Variants in CEP128 observed in about 807,000 individuals in gnomAD.
CEP128 encodes the protein centrosomal protein 128, also known as centrosomal protein 128kDa.
In CEP128, 132 loss-of-function variants were observed where a neutral mutation model predicts 156.7. That is an observed-to-expected ratio of 0.84 (90% CI 0.73 to 0.97). The LOEUF is 0.97. Among genes scored for constraint, CEP128 ranks in the 50% least tolerant of loss-of-function variants. The pLI, the probability that CEP128 is intolerant of heterozygous loss-of-function variation, is 0.00. For missense variants in CEP128, 1,252 were observed against 1,281.9 expected (o/e 0.98, Z 0.36); for synonymous variants, 469 against 448.9 (o/e 1.04, Z -0.57).
intron 13 of CEP128, among the ~76,000 whole-genome samples, chr14:80,812,901 A>G (rs1443090500): frequency 6.6e-6 from 1 of 151,886 alleles, no homozygotes; most frequent in African/African-American, 2.4e-5. Context: ...ACTTTTCATT[A>G]ATGGCCATTC....
intron 19 of CEP128, among the ~76,000 whole-genome samples, chr14:80,640,334 A>C (rs758177631): frequency 3.3e-5 from 5 of 152,192 alleles, no homozygotes; most frequent in Non-Finnish European, 5.9e-5. Context: ...TCTATTAATA[A>C]TGGGTGAATA....
rs533596259 is a variant in CEP128 at position 80,644,361 on chromosome 14, C to T, written c.2807-63938G>A. On this transcript the variant is annotated intron_variant, in intron 19 of 24. Transcript: ENST00000555265. Reference sequence around the variant, plus strand: ...ATTGGAGATAAACGTTTAGGACTCCCCTAAAATACTTGCAGTGGCAGGAGA... The same window carrying T: ...ATTGGAGATAAACGTTTAGGACTCCTCTAAAATACTTGCAGTGGCAGGAGA... 2.2e-4 allele frequency among the ~76,000 whole-genome samples: 34 copies of T among 152,256 alleles called. No homozygotes were observed. The South Asian group carries it at 5.8e-3, about 26-fold the overall frequency.
chr14:80,808,286 C>T (rs1884300719), intron 13 of CEP128, among the ~76,000 whole-genome samples: 1 of 152,244 alleles, frequency 6.6e-6, no homozygotes, highest in African/African-American at 2.4e-5. Flanking sequence ...GCCCCACTGG[C>T]AGCATAACCT....
At chr14:80,908,437 C>CT (rs1365860937) in intron 4 of CEP128, among the ~76,000 whole-genome samples, 5 of 152,022 alleles carry the variant, frequency 3.3e-5, no homozygotes, top group African/African-American at 1.2e-4. Flanking sequence ...TTCATGAATT[C>CT]TCTTTCAACT....
intron 18 of CEP128, among the ~76,000 whole-genome samples, chr14:80,752,294 C>T (rs190723318): frequency 9.2e-5 from 14 of 152,166 alleles, no homozygotes; most frequent in Non-Finnish European, 1.8e-4. Context: ...ATGTGGTCAG[C>T]CATCTAAACA....
chr14:80,645,098 G>A (rs1431858998), intron 19 of CEP128, among the ~76,000 whole-genome samples: 2 of 152,042 alleles, frequency 1.3e-5, no homozygotes, highest in Non-Finnish European at 2.9e-5. Flanking sequence ...AAGTTGAAAG[G>A]TCAAGTAGGT....
At chr14:80,735,703 C>T (rs976218658) in intron 19 of CEP128, among the ~76,000 whole-genome samples, 2 of 152,170 alleles carry the variant, frequency 1.3e-5, no homozygotes, top group Non-Finnish European at 2.9e-5. Context: ...AAGTTCAATA[C>T]GTCTTACTGG....
intron 19 of CEP128, among the ~76,000 whole-genome samples, chr14:80,638,354 G>T (rs1332465745): frequency 6.6e-6 from 1 of 152,052 alleles, no homozygotes. Context: ...AAACCCACTG[G>T]TATATTTTTC....
rs78322396 is a variant in CEP128, at chr14:80,666,724, C to CAA, written c.2806+76349_2806+76350dup. On this transcript the variant is annotated intron_variant, in intron 19 of 24. Coordinates refer to ENST00000555265, the MANE Select transcript of CEP128 (RefSeq NM_152446.5). ...ATATTCAAGTAGGAAAAGAGAGAGA[C>CAA]AAAAAAAAAAAAAAAGACCAAACGC... is the stretch of plus-strand genomic sequence containing the variant. 8.5e-3 allele frequency among the ~76,000 whole-genome samples: 876 copies of CAA among 103,454 alleles called. 8 individuals carry two copies. Among genetic ancestry groups the CAA allele is most frequent in the African/African-American group, 0.027 (841 of 31,080 alleles). The allele number at this position is 103,454 out of a possible 152,430, so 67.9% of individuals were successfully genotyped here. A position where few individuals can be genotyped will look rare whatever the true frequency, so the allele number is the denominator to read the frequency against.
At chr14:80,659,377 T>C (rs1178860095) in intron 19 of CEP128, among the ~76,000 whole-genome samples, 2 of 152,182 alleles carry the variant, frequency 1.3e-5, no homozygotes, top group Non-Finnish European at 2.9e-5. Context: ...GGTCTGGGTT[T>C]CCAATTGAAG....
intron 18 of CEP128, among the ~76,000 whole-genome samples, chr14:80,749,767 T>C (rs1033676130): frequency 1.3e-5 from 2 of 152,142 alleles, no homozygotes; most frequent in African/African-American, 4.8e-5. Context: ...TAAAAGAATA[T>C]AATTGGAATA....
In CEP128 at chr14:80,758,224, G is replaced by T. The variant is rs139501568; in HGVS notation, c.2554-1273C>A. ...GATTTACCTATAGCTACATGTTTAA[G>T]AAGATAGCCTTAACCTGCCAGGCAT... On this transcript the variant is annotated intron_variant, in intron 17 of 24. Coordinates refer to ENST00000555265, the MANE Select transcript of CEP128 (RefSeq NM_152446.5). Among the ~76,000 whole-genome samples, 322 of 152,146 alleles carry T rather than the reference G, an allele frequency of 2.1e-3. 2 individuals are homozygous for T. Among genetic ancestry groups the T allele is most frequent in the African/African-American group, 7.5e-3 (313 of 41,522 alleles).
intron 19 of CEP128, among the ~76,000 whole-genome samples, chr14:80,713,223 A>T (rs1347744848): frequency 1.3e-5 from 2 of 152,188 alleles, no homozygotes; most frequent in Admixed American, 6.5e-5. Context: ...CTGGTAGTTA[A>T]TATAAAAGAC....
In CEP128 at chr14:80,668,809, G is replaced by A. The variant is rs145109031; in HGVS notation, c.2806+74266C>T. 4.6e-5 allele frequency among the ~76,000 whole-genome samples: 7 copies of A among 152,292 alleles called. No individual in the cohort carries two copies. In the East Asian group the frequency reaches 1.2e-3, roughly 25 times the overall value. ...CATGTCATGGGAGGGACCCGTGGGA[G>A]GTAATTGAATCATAGGGGTGAGCCT... On this transcript the variant is annotated intron_variant, in intron 19 of 24. Transcript: ENST00000555265.
intron 13 of CEP128, among the ~76,000 whole-genome samples, chr14:80,806,939 C>T (rs1884210972): frequency 6.6e-6 from 1 of 151,576 alleles, no homozygotes; most frequent in Non-Finnish European, 1.5e-5. Flanking sequence ...CATTATCTCA[C>T]ATAATACAGT....
chr14:80,809,513 G>C (rs757209586), intron 13 of CEP128, among the ~76,000 whole-genome samples: 108 of 152,190 alleles, frequency 7.1e-4, no homozygotes, highest in Middle Eastern at 6.8e-3. Flanking sequence ...AGATGGCCCA[G>C]GGATCCCCAA....
intron 19 of CEP128, among the ~76,000 whole-genome samples, chr14:80,708,793 A>G (rs1355065021): frequency 1.3e-5 from 2 of 152,082 alleles, no homozygotes; most frequent in African/African-American, 2.4e-5. Context: ...TTTACATTAA[A>G]CTTCTGGCCC....
chr14:80,720,989 G>A (rs542299703), intron 19 of CEP128, among the ~76,000 whole-genome samples: 6 of 152,126 alleles, frequency 3.9e-5, no homozygotes, highest in South Asian at 4.2e-4. Context: ...TGATTTGCTC[G>A]TTATCTTTAT....
At chr14:80,516,461 G>C (rs1489796719) in intron 23 of CEP128, among the ~76,000 whole-genome samples, 1 of 152,148 alleles carries the variant, frequency 6.6e-6, no homozygotes, top group Non-Finnish European at 1.5e-5. Context: ...GCACTCCCTT[G>C]ACAGCCCTGG....
Sources: allele counts gnomAD v4.1 joint callset (sites outside exome capture counted in the v4.1 genomes callset), GRCh38; gene constraint gnomAD v4.1.1; transcripts MANE v1.5; gene names NCBI Gene and HGNC (gene_info 2026-07-23, HGNC 2026-07-21).